SLC24A2: variants seen among roughly 807,000 people sequenced by gnomAD.
SLC24A2 encodes the protein solute carrier family 24 member 2.
In SLC24A2, 36 loss-of-function variants were observed where a neutral mutation model predicts 62.0. That is an observed-to-expected ratio of 0.58 (90% confidence interval 0.44 to 0.77). The LOEUF (loss-of-function observed/expected upper bound fraction) is 0.77. SLC24A2 is among the 30% of genes least tolerant of loss of function. SLC24A2 has a pLI of 0.00. For missense variants in SLC24A2, 846 were observed against 817.9 expected (o/e 1.03, Z -0.42); for synonymous variants, 358 against 294.0 (o/e 1.22, Z -2.23).
chr9:19,590,749 G>T (rs922056484), intron 5 of SLC24A2, among the ~76,000 whole-genome samples: 2 of 151,986 alleles, frequency 1.3e-5, no homozygotes, highest in Admixed American at 1.3e-4. Flanking sequence ...CCACTCCTGT[G>T]GTAAGCCTAC....
the SLC24A2 span, among the ~76,000 whole-genome samples, chr9:20,105,898 T>C: frequency 6.6e-5 from 10 of 152,238 alleles, no homozygotes; most frequent in Admixed American, 5.2e-4. Flanking sequence ...AAAAAATTAA[T>C]GAATCCAGGA....
At chr9:20,184,454 C>T in the SLC24A2 span, among the ~76,000 whole-genome samples, 1 of 152,152 alleles carries the variant, frequency 6.6e-6, no homozygotes, top group Non-Finnish European at 1.5e-5. Context: ...GAGGCTGAGG[C>T]AGGAGAATCA....
chr9:20,075,343 T>C, the SLC24A2 span, among the ~76,000 whole-genome samples: 1 of 152,200 alleles, frequency 6.6e-6, no homozygotes, highest in Non-Finnish European at 1.5e-5. Context: ...AATGGAGGCT[T>C]AGAATAACTG....
At chr9:20,107,539 C>T in the SLC24A2 span, among the ~76,000 whole-genome samples, 20 of 152,056 alleles carry the variant, frequency 1.3e-4, no homozygotes, top group South Asian at 6.2e-4. Flanking sequence ...GAAATAATGC[C>T]GCATATCTAC....
At chr9:19,828,743 A>G in the SLC24A2 span, among the ~76,000 whole-genome samples, 1 of 152,164 alleles carries the variant, frequency 6.6e-6, no homozygotes, top group Admixed American at 6.5e-5. Context: ...TCACAAAATA[A>G]CACATTGCTT....
At chr9:19,987,337 G>A in the SLC24A2 span, among the ~76,000 whole-genome samples, 1 of 152,098 alleles carries the variant, frequency 6.6e-6, no homozygotes, top group Non-Finnish European at 1.5e-5. Context: ...ATTCTCTTCT[G>A]AATGAAAATA....
chr9:19,767,717 G>A (rs1184175466), intron 2 of SLC24A2, among the ~76,000 whole-genome samples: 4 of 152,192 alleles, frequency 2.6e-5, no homozygotes, highest in Non-Finnish European at 5.9e-5. Context: ...TGGTCTTGCT[G>A]GGAACTGCAG....
chr9:20,168,181 G>C, the SLC24A2 span, among the ~76,000 whole-genome samples: 1 of 151,984 alleles, frequency 6.6e-6, no homozygotes, highest in African/African-American at 2.4e-5. Context: ...GATAGTTATA[G>C]AGGATTGAAA....
Position 19,556,734 on chromosome 9 carries a change from T to TA in SLC24A2, c.1348-6467dup, listed in dbSNP as rs572637901. On this transcript the variant is annotated intron_variant, in intron 7 of 10. Transcript: ENST00000341998. ...TGGGTCAAAATAGAATGTCAGCACT[T>TA]ACGTATTTTACATAAAAACATAATT... Among the ~76,000 whole-genome samples, 447 of 152,350 alleles carry TA rather than the reference T, an allele frequency of 2.9e-3. 1 individual carries two copies. Among genetic ancestry groups the TA allele is most frequent in the Middle Eastern group, 6.8e-3 (2 of 294 alleles).
chr9:20,204,612 T>C, the SLC24A2 span, among the ~76,000 whole-genome samples: 1 of 152,094 alleles, frequency 6.6e-6, no homozygotes, highest in Non-Finnish European at 1.5e-5. Context: ...TTGGCATAAA[T>C]CATGGCAGTA....
chr9:19,778,222 TCTAA>T (rs932434282), intron 2 of SLC24A2, among the ~76,000 whole-genome samples: 1 of 152,222 alleles, frequency 6.6e-6, no homozygotes, highest in African/African-American at 2.4e-5. Flanking sequence ...TTTTCAAATA[TCTAA>T]CTATTTTATT....
chr9:19,964,429 C>T, the SLC24A2 span, among the ~76,000 whole-genome samples: 2 of 151,962 alleles, frequency 1.3e-5, no homozygotes, highest in Admixed American at 6.6e-5. Context: ...AGTGGGCAGA[C>T]CATTACTGTT....
chr9:19,918,147 T>C, the SLC24A2 span, among the ~76,000 whole-genome samples: 7 of 149,488 alleles, frequency 4.7e-5, no homozygotes, highest in South Asian at 1.3e-3. Context: ...ATTATGTGTG[T>C]GTGTGTGTGT....
At chr9:20,235,602 T>G in the SLC24A2 span, among the ~76,000 whole-genome samples, 54 of 152,210 alleles carry the variant, frequency 3.5e-4, no homozygotes, top group Admixed American at 1.6e-3. Flanking sequence ...GGGGTGGGAG[T>G]GACCCAATTT....
chr9:19,561,955 T>A (rs1457256991), intron 7 of SLC24A2, among the ~76,000 whole-genome samples: 1 of 152,162 alleles, frequency 6.6e-6, no homozygotes, highest in East Asian at 1.9e-4. Flanking sequence ...TTTCAAAATA[T>A]TTTGTTGTGA....
chr9:19,910,001 T>C, the SLC24A2 span, among the ~76,000 whole-genome samples: 1 of 152,182 alleles, frequency 6.6e-6, no homozygotes, highest in Non-Finnish European at 1.5e-5. Context: ...ATAATATTTA[T>C]TGAGTGCTTA....
chr9:20,040,201 C>A, the SLC24A2 span, among the ~76,000 whole-genome samples: 1 of 152,046 alleles, frequency 6.6e-6, no homozygotes, highest in African/African-American at 2.4e-5. Flanking sequence ...AGCGATGGAA[C>A]GATTTTTTGT....
intron 2 of SLC24A2, among the ~76,000 whole-genome samples, chr9:19,697,285 G>T (rs139300838): frequency 0.014 from 2,199 of 152,216 alleles, 50 homozygotes; most frequent in African/African-American, 0.051. Flanking sequence ...GCCTGCCGGG[G>T]GTGCAGCGGG....
At chr9:19,760,844 A>G (rs1009438557) in intron 2 of SLC24A2, among the ~76,000 whole-genome samples, 1 of 147,990 alleles carries the variant, frequency 6.8e-6, no homozygotes, top group Non-Finnish European at 1.5e-5. Context: ...GTTCTCACTC[A>G]TAGGTGGAAA....
Sources: allele counts gnomAD v4.1 joint callset (sites outside exome capture counted in the v4.1 genomes callset), GRCh38; gene constraint gnomAD v4.1.1; transcripts MANE v1.5; gene names NCBI Gene and HGNC (gene_info 2026-07-23, HGNC 2026-07-21).